The following CASP6 variants were observed in gnomAD, a reference collection of about 807,000 sequenced individuals.
CASP6 encodes caspase 6.
In CASP6, 20 loss-of-function variants were observed where a neutral mutation model predicts 31.8. The ratio of observed to expected loss-of-function variants is 0.63; its 90% CI spans 0.44 to 0.91. The LOEUF (loss-of-function observed/expected upper bound fraction) is 0.91. CASP6 is among the 40% of genes least tolerant of loss of function. The pLI is 0.00. For missense variants in CASP6, 328 were observed against 361.1 expected (o/e 0.91, Z 0.74); for synonymous variants, 130 against 127.8 (o/e 1.02, Z -0.12).
chr4:109,671,219 T>C, the CASP6 span, among the ~76,000 whole-genome samples: 1 of 152,216 alleles, frequency 6.6e-6, no homozygotes, highest in African/African-American at 2.4e-5. Flanking sequence ...AACTTTTTCT[T>C]AAAGAGAGCT....
chr4:109,684,728 T>C (rs186546362), downstream of CASP6: 7 of 695,824 alleles, frequency 1.0e-5, no homozygotes, highest in Admixed American at 1.3e-4. Flanking sequence ...AAAAAGCCTT[T>C]TTATTTACTG....
intron 4 of CASP6, among the ~76,000 whole-genome samples, chr4:109,695,740 CAAAAA>C (rs762055298): frequency 3.1e-5 from 4 of 127,814 alleles, no homozygotes; most frequent in African/African-American, 1.1e-4. Flanking sequence ...GACTCCATCT[CAAAAA>C]AAAAAAAAAA....
At chr4:109,704,878 A>G (rs1348183195), upstream of CASP6, among the ~76,000 whole-genome samples, 1 of 152,088 alleles carries the variant, frequency 6.6e-6, no homozygotes, top group African/African-American at 2.4e-5. Context: ...TTAATTTTGT[A>G]TTTTTAGTAG....
the CASP6 span, among the ~76,000 whole-genome samples, chr4:109,677,963 G>A: frequency 4.0e-5 from 6 of 151,672 alleles, no homozygotes; most frequent in African/African-American, 9.7e-5. Context: ...AGGTCCCTGC[G>A]GCCTTCTGCA....
At chr4:109,675,936 A>G in the CASP6 span, among the ~76,000 whole-genome samples, 3 of 152,226 alleles carry the variant, frequency 2.0e-5, no homozygotes, top group Non-Finnish European at 1.5e-5. Context: ...CTGTGAGGAA[A>G]TAAAATGTTG....
chr4:109,664,788 G>C, the CASP6 span, among the ~76,000 whole-genome samples: 5 of 152,092 alleles, frequency 3.3e-5, no homozygotes, highest in Admixed American at 6.5e-5. Context: ...ACCTACAGTT[G>C]CCTAGCAGGA....
chr4:109,664,541 C>T, the CASP6 span: 2 of 557,398 alleles, frequency 3.6e-6, no homozygotes, highest in Non-Finnish European at 6.4e-6. Flanking sequence ...CCTCCCACCT[C>T]AGCCTCCAGA....
chr4:109,684,488 C>T, downstream of CASP6: 3 of 1,613,748 alleles, frequency 1.9e-6, no homozygotes, highest in Non-Finnish European at 2.5e-6. Context: ...AACCAGTGGA[C>T]TCCTGTGGGC....
At chr4:109,682,680 A>G in the CASP6 span, 1 of 1,613,576 alleles carries the variant, frequency 6.2e-7, no homozygotes, top group Non-Finnish European at 8.5e-7. Flanking sequence ...TCAGAAAAAG[A>G]GAGAGCACCA....
the CASP6 span, among the ~76,000 whole-genome samples, chr4:109,676,214 T>C: frequency 6.6e-6 from 1 of 152,168 alleles, no homozygotes; most frequent in African/African-American, 2.4e-5. Flanking sequence ...AGAGATTTAC[T>C]TAAGTGGTCA....
Position 109,694,657 on chromosome 4 carries a change from GACAC to G in CASP6, c.347_350del (p.Cys116SerfsTer3). On this transcript the variant is annotated frameshift_variant, in exon 5 of 7. Transcript: ENST00000265164. LOFTEE classifies it high-confidence loss of function. ...GATTGCCTTCGCCATGGCTCAGGAA[GACAC>G]ACACAAAGCAATCGGCATCTGCGTG... The G allele has an allele frequency of 1.2e-6, 2 of 1,610,314 alleles. No homozygotes were observed. Among genetic ancestry groups the G allele is most frequent in the East Asian group, 2.2e-5 (1 of 44,712 alleles).
At chr4:109,693,782 A>G (rs890861557) in intron 5 of CASP6, among the ~76,000 whole-genome samples, 4 of 149,418 alleles carry the variant, frequency 2.7e-5, no homozygotes, top group Non-Finnish European at 5.9e-5. Context: ...TCTGACGCCC[A>G]GGCTGGAGTG....
At chr4:109,698,709 A>G (rs1216812294) in intron 1 of CASP6, among the ~76,000 whole-genome samples, 2 of 143,432 alleles carry the variant, frequency 1.4e-5, no homozygotes, top group Non-Finnish European at 2.9e-5. Context: ...ATTTTCTGAA[A>G]AAGAATTAAG....
chr4:109,685,255 A>G (rs915343642), downstream of CASP6: 4 of 1,293,396 alleles, frequency 3.1e-6, no homozygotes, highest in South Asian at 1.2e-5. Context: ...TTTAAGGATT[A>G]TACTTACTCA....
chr4:109,686,977 G>A (rs944386545), downstream of CASP6, among the ~76,000 whole-genome samples: 1 of 151,444 alleles, frequency 6.6e-6, no homozygotes, highest in Non-Finnish European at 1.5e-5. Flanking sequence ...TTTTTTTTAA[G>A]AATATTAAGT....
the CASP6 span, chr4:109,674,033 G>T: frequency 7.6e-7 from 1 of 1,312,262 alleles, no homozygotes; most frequent in Admixed American, 1.7e-5. Flanking sequence ...ATCCACATGC[G>T]TGTGGTAGCC....
At chr4:109,690,178 AT>A (rs1729993523) in intron 6 of CASP6, among the ~76,000 whole-genome samples, 4 of 145,414 alleles carry the variant, frequency 2.8e-5, no homozygotes, top group African/African-American at 1.1e-4. Flanking sequence ...GAGTGAGACT[AT>A]TAAAAAAAAA....
chr4:109,675,216 A>G, the CASP6 span, among the ~76,000 whole-genome samples: 2 of 152,386 alleles, frequency 1.3e-5, no homozygotes, highest in African/African-American at 2.4e-5. Context: ...TGTGGTGCCC[A>G]TGCTTCTGAA....
rs779315996 is a variant in CASP6, at chr4:109,689,354, C to A, written c.858G>T (p.Leu286=). The A allele has an allele frequency of 1.9e-6, 3 of 1,613,832 alleles. No individual in the cohort carries two copies. Among genetic ancestry groups the A allele is most frequent in the Middle Eastern group, 1.6e-4 (1 of 6,084 alleles). ...ATTAATTAGATTTTGGAAAGAAATG[C>A]AGCTTTTTAGTTAGCATTGAGGCAA... ...PCFASMLTKK[L]HFFPKSN The change falls in exon 7 of 7, where the codon CTG becomes CTT. Residue 286 remains leucine, a synonymous_variant. Transcript: ENST00000265164.
Sources: allele counts gnomAD v4.1 joint callset (sites outside exome capture counted in the v4.1 genomes callset), GRCh38; gene constraint gnomAD v4.1.1; transcripts MANE v1.5; gene names NCBI Gene and HGNC (gene_info 2026-07-23, HGNC 2026-07-21).